MAP7: variants seen among roughly 807,000 people sequenced by gnomAD.
The protein encoded by MAP7 is microtubule associated protein 7.
In MAP7, 52 loss-of-function variants were observed where a neutral mutation model predicts 94.8. That is an observed-to-expected ratio of 0.55 (90% CI 0.44 to 0.69). The LOEUF (loss-of-function observed/expected upper bound fraction) is 0.69. Ranked by LOEUF, MAP7 falls within the 30% of genes least tolerant of loss-of-function variation. MAP7 has a pLI of 0.00. For missense variants in MAP7, 940 were observed against 964.6 expected, an observed-to-expected ratio of 0.97 and a Z score of 0.34; for synonymous variants, 350 against 357.0, an observed-to-expected ratio of 0.98 and a Z score of 0.22.
intron 1 of MAP7, among the ~76,000 whole-genome samples, chr6:136,507,024 AC>A (rs1009351372): frequency 6.6e-6 from 1 of 152,038 alleles, no homozygotes; most frequent in Admixed American, 6.6e-5. Context: ...ACCACGAGGC[AC>A]CCCGGAGTCT....
rs1053689645 is a variant in MAP7 at position 136,362,841 on chromosome 6, C to T, written c.1274-139G>A. On this transcript the variant is annotated intron_variant, in intron 10 of 17. Coordinates refer to ENST00000354570, the MANE Select transcript of MAP7 (RefSeq NM_003980.6). ...GAATGTTTATTACTGTGTGTTCTCA[C>T]GGTTTCACTATGTTCTATCTGTAAC... The T allele has an allele frequency of 2.1e-5, 29 of 1,349,970 alleles. No homozygotes were observed. In the Admixed American group the frequency reaches 2.5e-4, roughly 11 times the overall value. The allele number at this position is 1,349,970 out of a possible 1,614,324, so 83.6% of individuals were successfully genotyped here.
chr6:136,536,896 G>C (rs1304577547), intron 1 of MAP7, among the ~76,000 whole-genome samples: 1 of 152,230 alleles, frequency 6.6e-6, no homozygotes, highest in Admixed American at 6.5e-5. Flanking sequence ...TGTACAAGTG[G>C]TTCAGAATGC....
At chr6:136,477,089 C>T (rs2128953966) in intron 1 of MAP7, among the ~76,000 whole-genome samples, 1 of 152,242 alleles carries the variant, frequency 6.6e-6, no homozygotes, top group African/African-American at 2.4e-5. Flanking sequence ...AAGATACTTA[C>T]TAACTGAAAA....
chr6:136,354,460 A>T (rs1790275479), intron 16 of MAP7, among the ~76,000 whole-genome samples: 2 of 146,258 alleles, frequency 1.4e-5, no homozygotes, highest in Admixed American at 7.0e-5. Flanking sequence ...GATATATATA[A>T]AAATATATAT....
At chr6:136,474,769 A>C (rs1810314215) in intron 1 of MAP7, among the ~76,000 whole-genome samples, 1 of 150,948 alleles carries the variant, frequency 6.6e-6, no homozygotes, top group Admixed American at 6.6e-5. Context: ...TCCAGGCTGG[A>C]GTGCAATGGC....
At chr6:136,499,003 G>A (rs1262992213) in intron 1 of MAP7, among the ~76,000 whole-genome samples, 1 of 151,998 alleles carries the variant, frequency 6.6e-6, no homozygotes, top group Non-Finnish European at 1.5e-5. Flanking sequence ...CTGCCTTCCA[G>A]GTTCAAGAGA....
At chr6:136,365,670 G>A in intron 10 of MAP7, 65 bp downstream of exon 10, 3 of 1,516,478 alleles carry the variant, frequency 2.0e-6, no homozygotes, top group Non-Finnish European at 2.7e-6. Context: ...AACAAAAAAA[G>A]CTTCATCAAA....
chr6:136,388,354 G>T (rs1180725012), intron 5 of MAP7, 39 bp downstream of exon 5: 3 of 1,463,986 alleles, frequency 2.0e-6, no homozygotes, highest in South Asian at 2.4e-5. Context: ...GTTACTTTCA[G>T]GAAAATAAAG....
intron 1 of MAP7, among the ~76,000 whole-genome samples, chr6:136,532,581 T>C (rs1828555554): frequency 6.6e-6 from 1 of 152,044 alleles, no homozygotes; most frequent in South Asian, 2.1e-4. Context: ...AAACACTGAT[T>C]TGGAATGATG....
In MAP7 at chr6:136,550,269, C is replaced by T. The variant is rs1830049969; in HGVS notation, c.67+73G>A. The stretch of plus-strand genomic sequence containing the variant: ...GGGGGCTGCCGGCGCCGGGTGATTT[C>T]GGTGCCAGCCCGCCGGCCCCGCTCG... On this transcript the variant is annotated intron_variant, in intron 1 of 17. Coordinates refer to ENST00000354570, the MANE Select transcript of MAP7 (RefSeq NM_003980.6). The surrounding 1 kb of genome is among the most constrained non-coding windows in gnomAD (Gnocchi z 5.1). 3.8e-6 allele frequency: 5 copies of T among 1,312,820 alleles called. No individual in the cohort carries two copies. In the East Asian group the frequency reaches 1.6e-4, roughly 43 times the overall value. The allele number at this position is 1,312,820 out of a possible 1,614,324, so 81.3% of individuals were successfully genotyped here.
rs566415961 is a variant in MAP7, at chr6:136,507,753, G to A, written c.67+42589C>T. Among the ~76,000 whole-genome samples, 3 of 152,292 alleles carry A rather than the reference G, an allele frequency of 2.0e-5. No homozygotes were observed. The South Asian group carries it at 6.2e-4, about 32-fold the overall frequency. On this transcript the variant is annotated intron_variant, in intron 1 of 17. Transcript: ENST00000354570. ...TACCTAATCTTTAATAACCCTATGAGATAGGTGTCACTACTAGCCCTGATT... is the reference window on the plus strand; with the variant it reads ...TACCTAATCTTTAATAACCCTATGAAATAGGTGTCACTACTAGCCCTGATT...
rs537213493 is a variant in MAP7, at chr6:136,368,197, G to GT, written c.877-1759dup. 3.1e-3 allele frequency among the ~76,000 whole-genome samples: 452 copies of GT among 147,848 alleles called. 2 individuals carry two copies. The highest frequency in any genetic ancestry group is 7.0e-3 in the African/African-American group (283 of 40,430). ...TACTTAACACCCTCCCAACCAGGGA[G>GT]TTTTTTTTTTTCTTTCTTTTTTAAA... On this transcript the variant is annotated intron_variant, in intron 8 of 17. Coordinates refer to ENST00000354570, the MANE Select transcript of MAP7 (RefSeq NM_003980.6).
Position 136,512,043 on chromosome 6 carries a change from G to A in MAP7, c.67+38299C>T, listed in dbSNP as rs76478864. Reference sequence around the variant, plus strand: ...CCCTGCATAAAGGCTAGTGGACAAAGGTCGTTAATACAAAATTCACCGTCA... The same window carrying A: ...CCCTGCATAAAGGCTAGTGGACAAAAGTCGTTAATACAAAATTCACCGTCA... On this transcript the variant is annotated intron_variant, in intron 1 of 17. Coordinates refer to ENST00000354570, the MANE Select transcript of MAP7 (RefSeq NM_003980.6). 3.0e-3 allele frequency among the ~76,000 whole-genome samples: 452 copies of A among 152,312 alleles called. 3 individuals carry two copies. Among genetic ancestry groups the A allele is most frequent in the African/African-American group, 0.01 (435 of 41,574 alleles).
intron 1 of MAP7, among the ~76,000 whole-genome samples, chr6:136,473,579 A>ATAT: frequency 6.6e-6 from 1 of 152,320 alleles, no homozygotes; most frequent in Non-Finnish European, 1.5e-5. Flanking sequence ...GCCTTTATTA[A>ATAT]TGGCTGTATA....
chr6:136,410,269 G>A (rs1562367906), intron 3 of MAP7, among the ~76,000 whole-genome samples: 2 of 152,178 alleles, frequency 1.3e-5, no homozygotes, highest in Non-Finnish European at 2.9e-5. Flanking sequence ...TGGGGAAGAG[G>A]GGGAAAAGGA....
intron 1 of MAP7, among the ~76,000 whole-genome samples, chr6:136,549,965 C>T (rs1240974742): frequency 6.6e-6 from 1 of 152,202 alleles, no homozygotes; most frequent in East Asian, 1.9e-4. Context: ...TCTCTGGCCA[C>T]TGGTTTGGTC....
rs190114777 is a variant in MAP7 at position 136,434,814 on chromosome 6, G to C, written c.68-13015C>G. 7.9e-4 allele frequency among the ~76,000 whole-genome samples: 120 copies of C among 152,338 alleles called. 1 individual carries two copies. Among genetic ancestry groups the C allele is most frequent in the East Asian group, 9.7e-4 (5 of 5,180 alleles). Reference sequence around the variant, plus strand: ...CTCTCAAAGGCACAAAGTGTGCTATGTGGCAGGCGCCACAACCTGGCAAAC... The same window carrying C: ...CTCTCAAAGGCACAAAGTGTGCTATCTGGCAGGCGCCACAACCTGGCAAAC... On this transcript the variant is annotated intron_variant, in intron 1 of 17. Transcript: ENST00000354570.
At chr6:136,544,267 T>G (rs1829554847) in intron 1 of MAP7, among the ~76,000 whole-genome samples, 1 of 152,180 alleles carries the variant, frequency 6.6e-6, no homozygotes, top group Non-Finnish European at 1.5e-5. Context: ...CTCTGCCTAT[T>G]CAAGGATTTG....
intron 1 of MAP7, among the ~76,000 whole-genome samples, chr6:136,506,493 A>G (rs1821558016): frequency 6.6e-6 from 1 of 152,128 alleles, no homozygotes; most frequent in Non-Finnish European, 1.5e-5. Context: ...TTTAAGGTTT[A>G]TAAGCTTTGG....
Sources: allele counts gnomAD v4.1 joint callset (sites outside exome capture counted in the v4.1 genomes callset), GRCh38; gene constraint gnomAD v4.1.1; non-coding constraint Gnocchi (gnomAD v3.1); transcripts MANE v1.5; gene names NCBI Gene and HGNC (gene_info 2026-07-23, HGNC 2026-07-21).